GLP1R: variants seen among roughly 807,000 people sequenced by gnomAD.
The protein encoded by GLP1R is glucagon like peptide 1 receptor, also known as glucagon-like peptide 1 receptor.
Under a neutral mutation model 68.4 loss-of-function variants are expected in GLP1R, and 32 were observed. The ratio of observed to expected loss-of-function variants is 0.47; its 90% CI spans 0.35 to 0.63. The LOEUF is 0.63. GLP1R is among the 20% of genes least tolerant of loss of function. GLP1R has a pLI of 0.00. For synonymous variants in GLP1R, 263 were observed against 244.4 expected (o/e 1.08, Z -0.71); for missense variants, 502 against 594.9 (o/e 0.84, Z 1.62).
chr6:39,074,947 A>G (rs1583640921), intron 7 of GLP1R, among the ~76,000 whole-genome samples: 1 of 149,296 alleles, frequency 6.7e-6, no homozygotes, highest in South Asian at 2.2e-4. Flanking sequence ...AGCTCCCCCC[A>G]CCCCCCAGGA....
chr6:39,052,023 G>A (rs1562001565), intron 1 of GLP1R, among the ~76,000 whole-genome samples: 2 of 151,958 alleles, frequency 1.3e-5, no homozygotes, highest in Non-Finnish European at 2.9e-5. Flanking sequence ...CAGTGTCTCA[G>A]CATGCGACTG....
Position 39,088,759 on chromosome 6 carries a change from T to C in GLP1R, c.*2686T>C, listed in dbSNP as rs1449165235. On this transcript the variant is annotated 3_prime_UTR_variant, in exon 13 of 13. Coordinates refer to ENST00000373256, the MANE Select transcript of GLP1R (RefSeq NM_002062.5). The stretch of plus-strand genomic sequence containing the variant: ...ATTGCAGAGATGATTTTTTATGGTC[T>C]TAGCGTGCCTCATGCTGTAGACCAC... Among the ~76,000 whole-genome samples the C allele has an allele frequency of 1.3e-5, 2 of 152,240 alleles. No individual in the cohort carries two copies. Among genetic ancestry groups the C allele is most frequent in the East Asian group, 3.8e-4 (2 of 5,206 alleles).
In GLP1R at chr6:39,079,762, C is replaced by T; in HGVS notation, c.1182+60C>T. On this transcript the variant is annotated intron_variant, in intron 11 of 12. Coordinates refer to ENST00000373256, the MANE Select transcript of GLP1R (RefSeq NM_002062.5). The surrounding 1 kb of genome is among the most constrained non-coding windows in gnomAD (Gnocchi z 4.5). Reference sequence around the variant, plus strand: ...TCCTAGAGTGGGGGTGGGACAGACACCAGCCTGCATCATGCAGATGGAAAA... The same window carrying T: ...TCCTAGAGTGGGGGTGGGACAGACATCAGCCTGCATCATGCAGATGGAAAA... 6.9e-7 allele frequency: 1 copy of T among 1,444,366 alleles called. No individual in the cohort carries two copies. The highest frequency in any genetic ancestry group is 9.7e-7 in the Non-Finnish European group (1 of 1,035,362). The allele number at this position is 1,444,366 out of a possible 1,614,324, so 89.5% of individuals were successfully genotyped here. A position where few individuals can be genotyped will look rare whatever the true frequency, so the allele number is the denominator to read the frequency against.
intron 5 of GLP1R, among the ~76,000 whole-genome samples, chr6:39,069,719 A>G (rs80318896): frequency 0.026 from 3,866 of 151,352 alleles, 157 homozygotes; most frequent in African/African-American, 0.086. Context: ...TGTATGGCCC[A>G]TTTGTGGAAA....
chr6:39,085,481 G>T (rs1769121506), intron 12 of GLP1R, among the ~76,000 whole-genome samples: 1 of 152,210 alleles, frequency 6.6e-6, no homozygotes, highest in African/African-American at 2.4e-5. Flanking sequence ...ACACCAGGAA[G>T]GCTGGGGGTT....
In GLP1R at chr6:39,056,505, T is replaced by A. The variant is rs747667115; in HGVS notation, c.175+12T>A. 4.2e-6 allele frequency: 6 copies of A among 1,421,020 alleles called. No individual in the cohort carries two copies. Among genetic ancestry groups the A allele is most frequent in the Non-Finnish European group, 6.0e-6 (6 of 1,004,222 alleles). The allele number at this position is 1,421,020 out of a possible 1,614,324, so 88.0% of individuals were successfully genotyped here. A position where few individuals can be genotyped will look rare whatever the true frequency, so the allele number is the denominator to read the frequency against. On this transcript the variant is annotated intron_variant, in intron 2 of 12. Coordinates refer to ENST00000373256, the MANE Select transcript of GLP1R (RefSeq NM_002062.5). The stretch of plus-strand genomic sequence containing the variant: ...ACCTCCTGCCACAGGTGAGTCCATG[T>A]AGGCTCCCCACCTTTAGTGCTCCCC...
chr6:39,057,116 G>C (rs545405891), intron 2 of GLP1R, among the ~76,000 whole-genome samples: 3 of 152,326 alleles, frequency 2.0e-5, no homozygotes, highest in East Asian at 1.9e-4. Context: ...CCTCTAATCT[G>C]TGAAGTGCAA....
chr6:39,073,134 G>C (rs78879793), intron 6 of GLP1R, 119 bp downstream of exon 6: 167 of 911,900 alleles, frequency 1.8e-4, no homozygotes, highest in African/African-American at 1.7e-3. Flanking sequence ...CTGGCCCTTC[G>C]GGAGCCCCCA....
chr6:39,071,620 C>G (rs967077716), intron 5 of GLP1R, among the ~76,000 whole-genome samples: 4 of 152,052 alleles, frequency 2.6e-5, no homozygotes, highest in Non-Finnish European at 5.9e-5. Flanking sequence ...CAGCAAGGCT[C>G]CACGTATGTA....
chr6:39,078,821 T>G (rs1583646716), intron 8 of GLP1R, 136 bp from the exon 9 acceptor site: 1 of 751,134 alleles, frequency 1.3e-6, no homozygotes, highest in Non-Finnish European at 2.4e-6. Flanking sequence ...ATGGGACTGG[T>G]TTTTGGGTGG....
intron 3 of GLP1R, among the ~76,000 whole-genome samples, chr6:39,065,376 A>C (rs1269644323): frequency 1.3e-5 from 2 of 152,150 alleles, no homozygotes; most frequent in Non-Finnish European, 2.9e-5. Context: ...GGGACATGGA[A>C]CTGAGCTAAA....
At chr6:39,060,275 G>A (rs535998976) in intron 3 of GLP1R, among the ~76,000 whole-genome samples, 2 of 152,322 alleles carry the variant, frequency 1.3e-5, no homozygotes, top group African/African-American at 2.4e-5. Flanking sequence ...GTGGAGAAAC[G>A]TCACAGTGTG....
chr6:39,056,672 G>A (rs10305438), intron 2 of GLP1R, among the ~76,000 whole-genome samples, 179 bp downstream of exon 2: 6,074 of 152,212 alleles, frequency 0.04, 390 homozygotes, highest in African/African-American at 0.14. Context: ...CCTTTCTGCC[G>A]ACCAAAATCT....
At chr6:39,055,851 C>A (rs780626909) in intron 1 of GLP1R, among the ~76,000 whole-genome samples, 3 of 152,242 alleles carry the variant, frequency 2.0e-5, no homozygotes, top group South Asian at 2.1e-4. Context: ...GCACACCTTG[C>A]GATATTCTAC....
At position 39,085,995 on chromosome 6, in the gene GLP1R, T is replaced by C; in HGVS notation, c.1314T>C (p.Cys438=). 1 of 1,613,970 alleles carries C rather than the reference T, an allele frequency of 6.2e-7. No homozygotes were observed. Among genetic ancestry groups the C allele is most frequent in the Non-Finnish European group, 8.5e-7 (1 of 1,179,940 alleles). The stretch of plus-strand genomic sequence containing the variant: ...ACAGCAGCATGAAGCCCCTCAAGTG[T>C]CCCACCAGCAGCCTGAGCAGTGGAG... ...QRDSSMKPLK[C]PTSSLSSGAT... is the part of the protein sequence containing the mutation. The change falls in exon 13 of 13, where the codon TGT becomes TGC. Residue 438 remains cysteine, a synonymous_variant. Coordinates refer to ENST00000373256, the MANE Select transcript of GLP1R (RefSeq NM_002062.5).
chr6:39,086,229 A>C lies in GLP1R; in HGVS notation c.*156A>C. 3.3e-6 allele frequency: 2 copies of C among 609,696 alleles called. No homozygotes were observed. The highest frequency in any genetic ancestry group is 2.8e-6 in the Non-Finnish European group (1 of 358,196). 37.8% of individuals were successfully genotyped at this position (609,696 alleles called of 1,614,324 possible). ...CATACATCCTGCTTTCCCTCCCCAA[A>C]CCCATCAGACAGGTAAATGGGCAGT... On this transcript the variant is annotated 3_prime_UTR_variant, in exon 13 of 13. Coordinates refer to ENST00000373256, the MANE Select transcript of GLP1R (RefSeq NM_002062.5). This position sits in a 1 kb window ranked among gnomAD's most constrained non-coding sequence, Gnocchi z 4.5.
intron 1 of GLP1R, among the ~76,000 whole-genome samples, chr6:39,052,096 A>G (rs530086449): frequency 5.9e-5 from 9 of 151,874 alleles, no homozygotes; most frequent in African/African-American, 1.9e-4. Context: ...GTGTCTCAGT[A>G]TTGGGAATGT....
rs141985933 is a variant in GLP1R, at chr6:39,076,166, G to A, written c.824-2156G>A. Among the ~76,000 whole-genome samples, 269 of 152,300 alleles carry A rather than the reference G, an allele frequency of 1.8e-3. 2 individuals are homozygous for A. The highest frequency in any genetic ancestry group is 5.9e-3 in the African/African-American group (247 of 41,554). ...TCAGAGAGAAGGGACAGCAGGGGGC[G>A]AGGGATACCCAGAAGGAAGCTTCTG... is the stretch of plus-strand genomic sequence containing the variant. On this transcript the variant is annotated intron_variant, in intron 7 of 12. Coordinates refer to ENST00000373256, the MANE Select transcript of GLP1R (RefSeq NM_002062.5).
rs1224359317 is a variant in GLP1R, at chr6:39,090,230, T to G, written c.*4157T>G. On this transcript the variant is annotated 3_prime_UTR_variant, in exon 13 of 13. Coordinates refer to ENST00000373256, the MANE Select transcript of GLP1R (RefSeq NM_002062.5). ...ACTTAGTGCCACAGTGTGTCTGCAG[T>G]ATCTATAAGTACTTCCGCTCTGTCA... Among the ~76,000 whole-genome samples, 1 of 152,194 alleles carries G rather than the reference T, an allele frequency of 6.6e-6. No individual in the cohort carries two copies. The highest frequency in any genetic ancestry group is 2.4e-5 in the African/African-American group (1 of 41,444).
Sources: allele counts gnomAD v4.1 joint callset (sites outside exome capture counted in the v4.1 genomes callset), GRCh38; gene constraint gnomAD v4.1.1; non-coding constraint Gnocchi (gnomAD v3.1); transcripts MANE v1.5; gene names NCBI Gene and HGNC (gene_info 2026-07-23, HGNC 2026-07-21).